The following TGM5 variants were observed in gnomAD, a reference collection of about 807,000 sequenced individuals.
TGM5 encodes the protein protein-glutamine gamma-glutamyltransferase 5.
In TGM5, 69 loss-of-function variants were observed where a neutral mutation model predicts 77.2. That is an observed-to-expected ratio of 0.89 (90% CI 0.74 to 1.09). The LOEUF is 1.09. Ranked by LOEUF, TGM5 falls within the 50% of genes least tolerant of loss-of-function variation. The probability of loss-of-function intolerance (pLI) is 0.00; values close to 1 mark genes in which losing one functional copy is unlikely to be tolerated. For synonymous variants in TGM5, 346 were observed against 351.8 expected (o/e 0.98, Z 0.18); for missense variants, 842 against 896.5 (o/e 0.94, Z 0.78).
chr15:43,235,296 A>G lies in TGM5; in HGVS notation c.1714+173T>C, dbSNP rs186479850. ...AGGGAGGGAAGGAGGGAGGGAGGGA[A>G]GGAAGGAAGGAAGGAAGGGGGAAGG... On this transcript the variant is annotated intron_variant, in intron 10 of 12. Transcript: ENST00000220420. 5.9e-3 allele frequency among the ~76,000 whole-genome samples: 870 copies of G among 148,180 alleles called. 10 individuals are homozygous for G. Among genetic ancestry groups the G allele is most frequent in the African/African-American group, 0.02 (818 of 40,148 alleles).
Position 43,260,031 on chromosome 15 carries a change from CGCCTGGGCACCCAGCCTT to C in TGM5, c.436+3_436+20del. 1 of 1,612,658 alleles carries C rather than the reference CGCCTGGGCACCCAGCCTT, an allele frequency of 6.2e-7. No homozygotes were observed. Among genetic ancestry groups the C allele is most frequent in the Non-Finnish European group, 8.5e-7 (1 of 1,180,014 alleles). On this transcript the variant is annotated splice_donor_5th_base_variant and intron_variant, in intron 3 of 12. Transcript: ENST00000220420. ...ACTGACAGAAGAGAAAGGAGGGCAC[CGCCTGGGCACCCAGCCTT>C]ACCTGGGCACCAGGGATTGAAAAGC...
intron 9 of TGM5, among the ~76,000 whole-genome samples, chr15:43,237,039 C>T (rs985295613): frequency 2.6e-5 from 4 of 151,120 alleles, no homozygotes; most frequent in Non-Finnish European, 5.9e-5. Flanking sequence ...GCGGTCTGTG[C>T]GACCCCAGAC....
chr15:43,233,844 C>G (rs1254019092), intron 11 of TGM5, among the ~76,000 whole-genome samples, 157 bp from the exon 12 acceptor site: 4 of 152,210 alleles, frequency 2.6e-5, no homozygotes, highest in Non-Finnish European at 5.9e-5. Flanking sequence ...TGAGAAGAAG[C>G]AGATATAAGA....
At chr15:43,241,397 A>T (rs776532959) in intron 6 of TGM5, 2 of 306,556 alleles carry the variant, frequency 6.5e-6, no homozygotes, top group Non-Finnish European at 1.3e-5. Flanking sequence ...AGTTAGGATT[A>T]TTGCTTCAGA....
intron 6 of TGM5, among the ~76,000 whole-genome samples, chr15:43,249,038 C>T (rs191105590): frequency 2.0e-5 from 3 of 152,242 alleles, no homozygotes; most frequent in East Asian, 1.9e-4. Context: ...AGCCTCCCAT[C>T]GCCCACACCC....
In TGM5 at chr15:43,252,954, A is replaced by G; in HGVS notation, c.685-18T>C. The G allele has an allele frequency of 6.2e-7, 1 of 1,611,624 alleles. No individual in the cohort carries two copies. Among genetic ancestry groups the G allele is most frequent in the East Asian group, 2.2e-5 (1 of 44,882 alleles). On this transcript the variant is annotated intron_variant, in intron 5 of 12. Transcript: ENST00000220420. ...CTGTTGATCTGAAGAGAAGCCATAT[A>G]GAGAAGTGTTAGAAACATCCATTTC...
intron 6 of TGM5, among the ~76,000 whole-genome samples, chr15:43,251,659 G>A (rs1284469717): frequency 6.6e-6 from 1 of 152,182 alleles, no homozygotes; most frequent in Non-Finnish European, 1.5e-5. Context: ...AGCAGGCCTG[G>A]GTGTGGGGCA....
chr15:43,253,460 C>T, intron 5 of TGM5, 46 bp downstream of exon 5: 1 of 1,604,406 alleles, frequency 6.2e-7, no homozygotes, highest in Non-Finnish European at 8.5e-7. Context: ...GGGCAGGGCT[C>T]CCGCTGCACA....
Position 43,260,524 on chromosome 15 carries a change from G to A in TGM5, c.66C>T (p.His22=). 4 of 1,614,206 alleles carry A rather than the reference G, an allele frequency of 2.5e-6. No individual in the cohort carries two copies. The highest frequency in any genetic ancestry group is 3.4e-6 in the Non-Finnish European group (4 of 1,180,032). Residue 22 remains histidine, a synonymous_variant, in exon 2 of 13, where the codon CAC becomes CAT. Transcript: ENST00000220420. ...LQSSRNNVRH[H]TEEITVDHLL... Reference sequence around the variant, plus strand: ...GGTGGTCCACAGTGATCTCCTCCGTGTGGTGCCGCACATTATTTCTGGAGC... The same window carrying A: ...GGTGGTCCACAGTGATCTCCTCCGTATGGTGCCGCACATTATTTCTGGAGC...
At chr15:43,259,875 G>A (rs1389801603) in intron 3 of TGM5, among the ~76,000 whole-genome samples, 177 bp downstream of exon 3, 1 of 152,210 alleles carries the variant, frequency 6.6e-6, no homozygotes, top group Non-Finnish European at 1.5e-5. Flanking sequence ...TTCTAAATAA[G>A]TAAATGAATA....
At chr15:43,258,772 T>G (rs946757325) in intron 3 of TGM5, among the ~76,000 whole-genome samples, 6 of 152,090 alleles carry the variant, frequency 3.9e-5, no homozygotes, top group Admixed American at 3.9e-4. Context: ...CAGTGTTGGG[T>G]CTCCCGGGGC....
intron 1 of TGM5, among the ~76,000 whole-genome samples, chr15:43,262,176 C>T (rs2042794543): frequency 6.6e-6 from 1 of 152,208 alleles, no homozygotes; most frequent in Admixed American, 6.5e-5. Context: ...TCAGTTGGCC[C>T]ACCCTTCTTT....
At chr15:43,261,717 A>G (rs1188459409) in intron 1 of TGM5, among the ~76,000 whole-genome samples, 3 of 152,114 alleles carry the variant, frequency 2.0e-5, no homozygotes, top group African/African-American at 7.2e-5. Context: ...CATGCCTTCC[A>G]TTAAAACATC....
At chr15:43,241,310 G>T (rs1278281218) in intron 6 of TGM5, 2 of 418,882 alleles carry the variant, frequency 4.8e-6, no homozygotes, top group Non-Finnish European at 9.0e-6. Flanking sequence ...AAACTCAGAG[G>T]CCTGACTCAA....
In TGM5 at chr15:43,238,817, C is replaced by G; in HGVS notation, c.1345G>C (p.Gly449Arg). ...DITENYKYEE[G>R]SLQERQVFLK... ...GAGTAGGGCTGGCTTGCTTACTTAC[C>G]TTCTTCATACTTGTAGTTCTCTGTG... Residue 449 changes from glycine (G) to arginine (R), a missense_variant and splice_region_variant, in exon 9 of 13, where the codon GGA (glycine) becomes CGA (arginine). By Grantham distance (125) the Gly-to-Arg change is moderately radical. Transcript: ENST00000220420. 6.2e-7 allele frequency: 1 copy of G among 1,613,894 alleles called. No homozygotes were observed. The highest frequency in any genetic ancestry group is 8.5e-7 in the Non-Finnish European group (1 of 1,179,930).
chr15:43,241,586 AG>A (rs554513986), intron 6 of TGM5, among the ~76,000 whole-genome samples: 3 of 152,330 alleles, frequency 2.0e-5, no homozygotes, highest in African/African-American at 7.2e-5. Flanking sequence ...GAAAGAAGGT[AG>A]AGTGTTGTCT....
intron 1 of TGM5, among the ~76,000 whole-genome samples, chr15:43,261,599 G>A (rs2042791182): frequency 6.6e-6 from 1 of 152,174 alleles, no homozygotes; most frequent in South Asian, 2.1e-4. Context: ...GTTTGACCAT[G>A]GTTCTGCCAT....
intron 6 of TGM5, among the ~76,000 whole-genome samples, chr15:43,245,909 G>T (rs1318478903): frequency 6.9e-6 from 1 of 144,026 alleles, no homozygotes; most frequent in Non-Finnish European, 1.5e-5. Flanking sequence ...TGGGGGGGGG[G>T]GTCTTAAATG....
intron 3 of TGM5, among the ~76,000 whole-genome samples, chr15:43,259,566 T>C (rs2042769701): frequency 6.6e-6 from 1 of 152,214 alleles, no homozygotes; most frequent in South Asian, 2.1e-4. Context: ...TAGAACACTT[T>C]TGTAAAACTA....
Sources: allele counts gnomAD v4.1 joint callset (sites outside exome capture counted in the v4.1 genomes callset), GRCh38; gene constraint gnomAD v4.1.1; transcripts MANE v1.5; gene names NCBI Gene and HGNC (gene_info 2026-07-23, HGNC 2026-07-21).